The following CTNNA3 variants were observed in gnomAD, a reference collection of about 807,000 sequenced individuals.
CTNNA3 encodes the protein catenin alpha-3.
In CTNNA3, 76 loss-of-function variants were observed where a neutral mutation model predicts 95.7. The observed-to-expected ratio is 0.79, with a 90% CI of 0.66 to 0.96. The LOEUF (loss-of-function observed/expected upper bound fraction) is 0.96, where lower values mean the gene tolerates loss of function less well. Among genes scored for constraint, CTNNA3 ranks in the 40% least tolerant of loss-of-function variants. The pLI, the probability that CTNNA3 is intolerant of heterozygous loss-of-function variation, is 0.00. For missense variants in CTNNA3, 1,191 were observed against 1,089.8 expected, an observed-to-expected ratio of 1.09 and a Z score of -1.31; for synonymous variants, 431 against 374.4, an observed-to-expected ratio of 1.15 and a Z score of -1.74.
intron 5 of CTNNA3, among the ~76,000 whole-genome samples, chr10:67,472,857 A>G (rs1434152375): frequency 6.6e-6 from 1 of 152,170 alleles, no homozygotes; most frequent in African/African-American, 2.4e-5. Context: ...TTGAGCCCCA[A>G]TTCTGCATTT....
At chr10:67,051,113 C>A (rs918349786) in intron 7 of CTNNA3, among the ~76,000 whole-genome samples, 9 of 152,168 alleles carry the variant, frequency 5.9e-5, no homozygotes, top group African/African-American at 9.7e-5. Flanking sequence ...GACAGAGATA[C>A]AAGCAATGCC....
chr10:67,701,018 G>C (rs1267556377), upstream of CTNNA3, among the ~76,000 whole-genome samples: 1 of 152,230 alleles, frequency 6.6e-6, no homozygotes, highest in Non-Finnish European at 1.5e-5. Flanking sequence ...CTGGAAGAAA[G>C]TGTATCAGTG....
intron 7 of CTNNA3, among the ~76,000 whole-genome samples, chr10:66,868,342 G>T (rs1844264148): frequency 6.6e-6 from 1 of 151,152 alleles, no homozygotes; most frequent in Non-Finnish European, 1.5e-5. Context: ...TCCAGCCTGT[G>T]CAACAAGAGC....
chr10:67,125,323 G>C (rs1467081589), intron 7 of CTNNA3, among the ~76,000 whole-genome samples: 2 of 152,012 alleles, frequency 1.3e-5, no homozygotes, highest in Admixed American at 6.6e-5. Flanking sequence ...ACTGTCATTT[G>C]TCTAAAATAT....
chr10:67,392,016 C>T (rs1298299996), intron 5 of CTNNA3, among the ~76,000 whole-genome samples: 1 of 151,792 alleles, frequency 6.6e-6, no homozygotes, highest in African/African-American at 2.4e-5. Flanking sequence ...ATGTCTAAAA[C>T]ACCAAAAGCA....
intron 5 of CTNNA3, among the ~76,000 whole-genome samples, chr10:67,512,062 T>G (rs1408948409): frequency 1.3e-5 from 2 of 152,214 alleles, no homozygotes; most frequent in Non-Finnish European, 2.9e-5. Context: ...CATCTTTTAT[T>G]GCTTCTCTAA....
chr10:66,055,743 G>A (rs1416378612), intron 15 of CTNNA3, among the ~76,000 whole-genome samples: 1 of 151,830 alleles, frequency 6.6e-6, no homozygotes, highest in Non-Finnish European at 1.5e-5. Flanking sequence ...CTAACATGGT[G>A]AAACCCCATC....
intron 13 of CTNNA3, among the ~76,000 whole-genome samples, chr10:66,212,990 T>C (rs552571501): frequency 1.3e-5 from 2 of 152,284 alleles, no homozygotes; most frequent in African/African-American, 4.8e-5. Context: ...CACTAGAGCC[T>C]AGGTGGTAGA....
chr10:66,856,187 TC>T (rs1843676198), intron 7 of CTNNA3, among the ~76,000 whole-genome samples: 1 of 152,006 alleles, frequency 6.6e-6, no homozygotes, highest in African/African-American at 2.4e-5. Context: ...GGTTTTCTGT[TC>T]CTGTGTTAGT....
intron 9 of CTNNA3, among the ~76,000 whole-genome samples, chr10:66,624,741 C>A (rs191159110): frequency 1.4e-4 from 21 of 152,246 alleles, no homozygotes; most frequent in Non-Finnish European, 2.5e-4. Context: ...ACCCCACTCT[C>A]TAATCTTATA....
At chr10:66,684,216 C>T (rs1286632404) in intron 9 of CTNNA3, among the ~76,000 whole-genome samples, 1 of 152,018 alleles carries the variant, frequency 6.6e-6, no homozygotes, top group African/African-American at 2.4e-5. Flanking sequence ...AAGTGTGGTG[C>T]TACTGGCATC....
chr10:67,422,881 C>G (rs748118458), intron 5 of CTNNA3, among the ~76,000 whole-genome samples: 5 of 152,082 alleles, frequency 3.3e-5, no homozygotes, highest in African/African-American at 4.8e-5. Flanking sequence ...AACTAATACA[C>G]TCCCCCAAAA....
intron 9 of CTNNA3, among the ~76,000 whole-genome samples, chr10:66,701,966 C>A (rs1317631735): frequency 6.6e-6 from 1 of 152,002 alleles, no homozygotes; most frequent in Non-Finnish European, 1.5e-5. Flanking sequence ...TATTTTAAAT[C>A]ATCAGAAGGC....
chr10:66,243,111 T>C (rs1482343959), intron 13 of CTNNA3, among the ~76,000 whole-genome samples: 2 of 152,176 alleles, frequency 1.3e-5, no homozygotes, highest in African/African-American at 4.8e-5. Flanking sequence ...AATTGATCAG[T>C]GTTAACATTA....
chr10:67,610,236 A>T (rs1317419954), intron 2 of CTNNA3, among the ~76,000 whole-genome samples: 2 of 152,238 alleles, frequency 1.3e-5, no homozygotes, highest in African/African-American at 2.4e-5. Context: ...TGAAATTAAA[A>T]TGAGCGTTCC....
chr10:66,994,207 G>T (rs1416989188), intron 7 of CTNNA3, among the ~76,000 whole-genome samples: 1 of 152,082 alleles, frequency 6.6e-6, no homozygotes, highest in African/African-American at 2.4e-5. Context: ...AACTACCCAG[G>T]TACTCCAGTG....
At chr10:65,920,746 A>C in intron 17 of CTNNA3, 129 bp from the exon 18 acceptor site, 1 of 981,152 alleles carries the variant, frequency 1.0e-6, no homozygotes, top group Non-Finnish European at 1.5e-6. Context: ...GGATCACTTG[A>C]GCCCAGGAGG....
At chr10:67,569,533 C>A (rs1407588662) in intron 3 of CTNNA3, among the ~76,000 whole-genome samples, 2 of 152,086 alleles carry the variant, frequency 1.3e-5, no homozygotes, top group Non-Finnish European at 2.9e-5. Context: ...GGTAAAGAGT[C>A]TGAAATCAGA....
intron 10 of CTNNA3, among the ~76,000 whole-genome samples, chr10:66,551,896 C>CTTTTTTTT (rs141885331): frequency 1.8e-5 from 2 of 113,964 alleles, no homozygotes; most frequent in Admixed American, 1.0e-4. Context: ...TTTTCTTTTC[C>CTTTTTTTT]TTTTTTTTTT....
Sources: gnomAD v4.1 joint callset for allele counts (sites outside exome capture counted in the v4.1 genomes callset) on GRCh38, gnomAD v4.1.1 for gene constraint, MANE v1.5 for transcripts, NCBI Gene and HGNC (gene_info 2026-07-23, HGNC 2026-07-21) for gene names.